Variants in SEMA6A observed in about 807,000 individuals in gnomAD.
SEMA6A encodes the protein semaphorin 6A, also known as semaphorin-6A.
SEMA6A carries 25 observed loss-of-function variants against 96.8 expected under a neutral mutation model. The observed-to-expected ratio is 0.26, with a 90% CI of 0.19 to 0.36. The LOEUF (loss-of-function observed/expected upper bound fraction) is 0.36. SEMA6A is among the 10% of genes least tolerant of loss of function. SEMA6A has a pLI of 1.00. For missense variants in SEMA6A, 1,363 were observed against 1,323.1 expected, an observed-to-expected ratio of 1.03 and a Z score of -0.47; for synonymous variants, 612 against 518.0, an observed-to-expected ratio of 1.18 and a Z score of -2.46.
At chr5:116,479,459 A>G (rs468258) in intron 12 of SEMA6A, among the ~76,000 whole-genome samples, 1 of 152,230 alleles carries the variant, frequency 6.6e-6, no homozygotes, top group Non-Finnish European at 1.5e-5. Flanking sequence ...CAGTGCTTTA[A>G]TATGTTTTAA....
At chr5:116,569,516 TA>T (rs56769846) in intron 1 of SEMA6A, among the ~76,000 whole-genome samples, 3,755 of 150,290 alleles carry the variant, frequency 0.025, 161 homozygotes, top group African/African-American at 0.086. Context: ...TGGTTTAGTT[TA>T]AAAAAAAAAT....
intron 1 of SEMA6A, among the ~76,000 whole-genome samples, chr5:116,571,395 A>C: frequency 6.6e-6 from 1 of 152,216 alleles, no homozygotes; most frequent in Non-Finnish European, 1.5e-5. Context: ...GCAAAACCTA[A>C]CATATGGGGA....
In SEMA6A at chr5:116,488,942, G is replaced by A; in HGVS notation, c.601C>T (p.Leu201Phe). 6.3e-7 allele frequency: 1 copy of A among 1,589,752 alleles called. No homozygotes were observed. The highest frequency in any genetic ancestry group is 8.6e-7 in the Non-Finnish European group (1 of 1,167,012). The change falls in exon 8 of 19, where the codon CTT becomes TTT. Residue 201 changes from leucine to phenylalanine, a missense_variant. By Grantham distance (22) the Leu-to-Phe change is conservative. Transcript: ENST00000343348. ...LAIDAVIYRS[L>F]GESPTLRTVK... The stretch of plus-strand genomic sequence containing the variant: ...GTCCGCAGGGTAGGGCTTTCTCCAA[G>A]ACTCCGGTAAATGACTGCGTCAATG...
intron 1 of SEMA6A, among the ~76,000 whole-genome samples, chr5:116,570,876 C>T (rs1003138160): frequency 6.6e-6 from 1 of 152,220 alleles, no homozygotes; most frequent in African/African-American, 2.4e-5. Flanking sequence ...TTGGATGCCT[C>T]ATTTTTATTT....
At chr5:116,455,909 A>G (rs560248377) in intron 18 of SEMA6A, among the ~76,000 whole-genome samples, 6 of 152,280 alleles carry the variant, frequency 3.9e-5, no homozygotes, top group Admixed American at 3.9e-4. Context: ...TAAGATGAGC[A>G]TTGTTGGAAG....
chr5:116,531,393 C>T (rs1759469023), intron 1 of SEMA6A, among the ~76,000 whole-genome samples: 2 of 152,100 alleles, frequency 1.3e-5, no homozygotes, highest in African/African-American at 4.8e-5. Flanking sequence ...GTCTCTGAGG[C>T]ACGTGGAGCC....
At chr5:116,556,434 T>A (rs1379306747) in intron 1 of SEMA6A, among the ~76,000 whole-genome samples, 1 of 152,200 alleles carries the variant, frequency 6.6e-6, no homozygotes, top group Non-Finnish European at 1.5e-5. Context: ...GAGGGTTTGG[T>A]GTCAAATATT....
At chr5:116,504,822 T>C in intron 2 of SEMA6A, 23 bp downstream of exon 2, 1 of 1,544,036 alleles carries the variant, frequency 6.5e-7, no homozygotes. Flanking sequence ...AGGGAGACAC[T>C]GAGTGAGACC....
intron 1 of SEMA6A, among the ~76,000 whole-genome samples, chr5:116,520,481 AAG>A (rs1232850088): frequency 6.6e-6 from 1 of 152,176 alleles, no homozygotes; most frequent in Non-Finnish European, 1.5e-5. Flanking sequence ...GCTCTAAAAA[AAG>A]AGTATCAGGA....
intron 1 of SEMA6A, among the ~76,000 whole-genome samples, chr5:116,515,244 T>G (rs1243319957): frequency 6.6e-6 from 1 of 152,212 alleles, no homozygotes; most frequent in Non-Finnish European, 1.5e-5. Context: ...TCTGAAGTAA[T>G]GGATGGATGT....
At chr5:116,571,749 T>C (rs1430807768) in intron 1 of SEMA6A, among the ~76,000 whole-genome samples, 2 of 152,224 alleles carry the variant, frequency 1.3e-5, no homozygotes, top group Non-Finnish European at 2.9e-5. Context: ...TAATTAACTT[T>C]GGTGCCTGGA....
chr5:116,505,459 G>GCACACA (rs35083865), intron 1 of SEMA6A, among the ~76,000 whole-genome samples: 1 of 127,830 alleles, frequency 7.8e-6, no homozygotes, highest in Non-Finnish European at 1.6e-5. Flanking sequence ...ACACGCACGC[G>GCACACA]CACACACACA....
rs969962020 is a variant in SEMA6A, at chr5:116,529,676, GAGAA to G, written c.-38-24698_-38-24695del. Among the ~76,000 whole-genome samples the G allele has an allele frequency of 1.4e-4, 22 of 152,104 alleles. 1 individual carries two copies. The highest frequency in any genetic ancestry group is 3.1e-4 in the African/African-American group (13 of 41,424). ...AATCCACACTGTTTCAAAAAAGAAA[GAGAA>G]AGAAAGAGTTGTTTTATGGTTTAAA... On this transcript the variant is annotated intron_variant, in intron 1 of 18. Transcript: ENST00000343348.
At chr5:116,547,067 T>G (rs1580502016) in intron 1 of SEMA6A, among the ~76,000 whole-genome samples, 1 of 152,346 alleles carries the variant, frequency 6.6e-6, no homozygotes, top group East Asian at 1.9e-4. Context: ...TTCCATTAAG[T>G]CATTTCTGTT....
intron 12 of SEMA6A, 43 bp from the exon 13 acceptor site, chr5:116,478,761 T>C: frequency 1.3e-6 from 2 of 1,585,576 alleles, no homozygotes; most frequent in Non-Finnish European, 1.7e-6. Context: ...TGTTGGTCTA[T>C]CATTAAAGTG....
chr5:116,535,165 C>G (rs548982149), intron 1 of SEMA6A, among the ~76,000 whole-genome samples: 3 of 152,312 alleles, frequency 2.0e-5, no homozygotes, highest in Non-Finnish European at 4.4e-5. Context: ...GTGAGAGGAG[C>G]ACACAGCACA....
In SEMA6A at chr5:116,574,447, A is replaced by AAAGAAG. The variant is rs982738878; in HGVS notation, c.-307_-302dup. The AAAGAAG allele has an allele frequency of 6.6e-6, 1 of 152,266 alleles. No homozygotes were observed. Among genetic ancestry groups the AAAGAAG allele is most frequent in the Non-Finnish European group, 1.5e-5 (1 of 67,984 alleles). The allele number at this position is 152,266 out of a possible 1,614,324, so 9.4% of individuals were successfully genotyped here. A position where few individuals can be genotyped will look rare whatever the true frequency, so the allele number is the denominator to read the frequency against. Reference sequence around the variant, plus strand: ...AGAGGAAAAAAGAAGCCAAAAAAAAAAAGAAGAAAAAGAAAAAGAAAACCA... The same window carrying AAAGAAG: ...AGAGGAAAAAAGAAGCCAAAAAAAAAAAGAAGAAGAAGAAAAAGAAAAAGAAAACCA... On this transcript the variant is annotated 5_prime_UTR_variant, in exon 1 of 19. Transcript: ENST00000343348.
intron 1 of SEMA6A, among the ~76,000 whole-genome samples, chr5:116,538,331 A>G (rs1004905056): frequency 1.3e-5 from 2 of 152,278 alleles, no homozygotes; most frequent in African/African-American, 4.8e-5. Flanking sequence ...CTTTAAAAGC[A>G]TTTTGTCTTC....
At chr5:116,534,015 C>A (rs910401052) in intron 1 of SEMA6A, among the ~76,000 whole-genome samples, 2 of 152,236 alleles carry the variant, frequency 1.3e-5, no homozygotes, top group African/African-American at 4.8e-5. Context: ...TTTCTCTCCA[C>A]CTTTTCTTCC....
Sources: gnomAD v4.1 joint callset for allele counts (sites outside exome capture counted in the v4.1 genomes callset) on GRCh38, gnomAD v4.1.1 for gene constraint, MANE v1.5 for transcripts, NCBI Gene and HGNC (gene_info 2026-07-23, HGNC 2026-07-21) for gene names.